The following PHC3 variants were observed in gnomAD, a reference collection of about 807,000 sequenced individuals.
The protein encoded by PHC3 is polyhomeotic-like protein 3.
Under a neutral mutation model 107.4 loss-of-function variants are expected in PHC3, and 13 were observed. The ratio of observed to expected loss-of-function variants is 0.12; its 90% CI spans 0.08 to 0.19. The LOEUF is 0.19. Among genes scored for constraint, PHC3 ranks in the 10% least tolerant of loss-of-function variants. The probability of loss-of-function intolerance (pLI) is 1.00; values close to 1 mark genes in which losing one functional copy is unlikely to be tolerated. For synonymous variants in PHC3, 456 were observed against 427.4 expected, an observed-to-expected ratio of 1.07 and a Z score of -0.83; for missense variants, 992 against 1,210.9, an observed-to-expected ratio of 0.82 and a Z score of 2.68.
chr3:170,169,969 A>C (rs1729339042), intron 4 of PHC3: 1 of 152,086 alleles, frequency 6.6e-6, no homozygotes, highest in African/African-American at 2.4e-5. Context: ...TAAGTTTTTC[A>C]TTTAATCTAA....
intron 5 of PHC3, chr3:170,147,620 A>G (rs1725203314): frequency 6.6e-6 from 1 of 152,250 alleles, no homozygotes; most frequent in African/African-American, 2.4e-5. Flanking sequence ...TATACTAAAT[A>G]TATGTAAAGA....
At position 170,096,863 on chromosome 3, in the gene PHC3, CA is replaced by C. The variant is rs1425391711; in HGVS notation, c.*366del. ...GAAAAAATGTATAAGAAAATTGAAT[CA>C]AAAGAGGAGAAATGTAAATCATTAA... is the stretch of plus-strand genomic sequence containing the variant. On this transcript the variant is annotated 3_prime_UTR_variant, in exon 15 of 15. Transcript: ENST00000495893. The C allele has an allele frequency of 6.4e-6, 1 of 157,364 alleles. No homozygotes were observed. The highest frequency in any genetic ancestry group is 6.5e-5 in the Admixed American group (1 of 15,396). 9.7% of individuals were successfully genotyped at this position (157,364 alleles called of 1,614,324 possible).
chr3:170,111,322 GAACGAACGAAA>G (rs1560033455), intron 11 of PHC3, among the ~76,000 whole-genome samples: 1 of 108,170 alleles, frequency 9.2e-6, no homozygotes, highest in African/African-American at 3.2e-5. Flanking sequence ...AGGAAGGAAC[GAACGAACGAAA>G]GAACAAAAGA....
At chr3:170,148,823 TA>T (rs1175545332) in intron 5 of PHC3, 7 of 272,572 alleles carry the variant, frequency 2.6e-5, no homozygotes, top group Non-Finnish European at 4.8e-5. Context: ...AATTTGATAT[TA>T]AAAAATAATC....
chr3:170,168,102 T>C (rs1369577874), intron 4 of PHC3, among the ~76,000 whole-genome samples: 1 of 151,166 alleles, frequency 6.6e-6, no homozygotes, highest in African/African-American at 2.4e-5. Context: ...ATTGAGGCGG[T>C]AGTGAGTTAT....
rs560671022 is a variant in PHC3, at chr3:170,119,711, C to T, written c.1943-2235G>A. Among the ~76,000 whole-genome samples, 33 of 152,046 alleles carry T rather than the reference C, an allele frequency of 2.2e-4. No individual in the cohort carries two copies. In the South Asian group the frequency reaches 5.8e-3, roughly 27 times the overall value. On this transcript the variant is annotated intron_variant, in intron 9 of 14. Transcript: ENST00000495893. ...AGCAAGAGATGTGAGATTTTTCTAC[C>T]TTTTTGTATAGATGCTTTTCACTTT...
intron 6 of PHC3, among the ~76,000 whole-genome samples, chr3:170,143,941 TC>T (rs1327277731): frequency 6.6e-6 from 1 of 151,960 alleles, no homozygotes; most frequent in Non-Finnish European, 1.5e-5. Flanking sequence ...AGAGTATGTA[TC>T]CCTTATACCA....
chr3:170,103,055 G>T, intron 12 of PHC3, 121 bp from the exon 13 acceptor site: 4 of 998,948 alleles, frequency 4.0e-6, no homozygotes, highest in East Asian at 5.2e-5. Flanking sequence ...ATTAATGAAT[G>T]TAAGACCTCA....
At chr3:170,173,775 C>T (rs1398377635) in intron 2 of PHC3, among the ~76,000 whole-genome samples, 1 of 152,094 alleles carries the variant, frequency 6.6e-6, no homozygotes, top group Non-Finnish European at 1.5e-5. Flanking sequence ...AAAGAATCCA[C>T]AGGAAAACTT....
At position 170,113,513 on chromosome 3, in the gene PHC3, G is replaced by A. The variant is rs777912781; in HGVS notation, c.2200C>T (p.Arg734Cys). ...QEGLEPFPVS[R>C]SSLLIEQPVK... is the part of the protein sequence containing the mutation. ...GGCTGTTCTATTAGCAAAGAGGAACGACTCACCTTTAAAAAAGGAGAAATA... is the reference window on the plus strand; with the variant it reads ...GGCTGTTCTATTAGCAAAGAGGAACAACTCACCTTTAAAAAAGGAGAAATA... The change falls in exon 11 of 15, where the codon CGT becomes TGT. Residue 734 changes from arginine (R) to cysteine (C), a missense_variant. Around this residue, in one of 6 missense-constraint regions of PHC3, gnomAD observed 228 missense variants for 288.8 expected, o/e 0.79. Transcript: ENST00000495893. 6.9e-6 allele frequency: 11 copies of A among 1,590,818 alleles called. 1 individual carries two copies. The highest frequency in any genetic ancestry group is 4.6e-5 in the South Asian group (4 of 86,288).
At chr3:170,163,180 G>A (rs1280677620) in intron 4 of PHC3, among the ~76,000 whole-genome samples, 1 of 152,062 alleles carries the variant, frequency 6.6e-6, no homozygotes. Flanking sequence ...CTGAATGAGT[G>A]AATGCATGAA....
chr3:170,136,512 G>A lies in PHC3; in HGVS notation c.826C>T (p.Pro276Ser), dbSNP rs1306196130. The stretch of plus-strand genomic sequence containing the variant: ...CTCTCTCCTTTCTTATTACTTTCTG[G>A]AGAAGGATCTCGTTGGCTGATTTTA... ...SSKISQRDPS[P>S]ESNKKGESPS... Residue 276 changes from proline to serine, a missense_variant, in exon 7 of 15, where the codon CCA becomes TCA. This residue lies in a region of PHC3 where 543 missense variants were observed against 590.8 expected (regional missense o/e 0.92). Transcript: ENST00000495893. The A allele has an allele frequency of 1.2e-6, 2 of 1,607,800 alleles. No individual in the cohort carries two copies. Among genetic ancestry groups the A allele is most frequent in the Non-Finnish European group, 1.7e-6 (2 of 1,177,448 alleles).
intron 11 of PHC3, 41 bp from the exon 12 acceptor site, chr3:170,106,987 T>G: frequency 6.9e-7 from 1 of 1,450,380 alleles, no homozygotes; most frequent in South Asian, 1.2e-5. Context: ...GTTCCAAAAA[T>G]TTAATTATGC....
intron 5 of PHC3, chr3:170,147,685 G>A (rs1725221481): frequency 6.6e-6 from 1 of 152,166 alleles, no homozygotes; most frequent in Middle Eastern, 3.2e-3. Flanking sequence ...ACTATGCCTT[G>A]AGCATCCTCA....
intron 12 of PHC3, among the ~76,000 whole-genome samples, chr3:170,104,190 A>C (rs1448033188): frequency 2.0e-5 from 3 of 152,210 alleles, no homozygotes; most frequent in African/African-American, 7.2e-5. Context: ...ATTTTCATGT[A>C]TCATGAAATA....
chr3:170,130,966 T>C (rs1722158366), intron 7 of PHC3, among the ~76,000 whole-genome samples: 1 of 152,076 alleles, frequency 6.6e-6, no homozygotes, highest in Admixed American at 6.6e-5. Context: ...ATACCTTACA[T>C]CTATTTTTGT....
chr3:170,111,539 A>G (rs192540762), intron 11 of PHC3, among the ~76,000 whole-genome samples: 211 of 152,314 alleles, frequency 1.4e-3, no homozygotes, highest in Non-Finnish European at 2.5e-3. Flanking sequence ...GTGGCAAAAT[A>G]ATGTTGAAAT....
At chr3:170,122,816 A>C in intron 8 of PHC3, 72 bp from the exon 9 acceptor site, 1 of 1,527,914 alleles carries the variant, frequency 6.5e-7, no homozygotes, top group African/African-American at 1.4e-5. Flanking sequence ...TAATTTCAGA[A>C]AATTAAATTC....
intron 4 of PHC3, among the ~76,000 whole-genome samples, chr3:170,152,337 ATTTTTTTT>A (rs1220193435): frequency 1.6e-5 from 2 of 122,164 alleles, no homozygotes; most frequent in African/African-American, 6.2e-5. Context: ...CGCCTGGCTA[ATTTTTTTT>A]TTTTTTTTTT....
Sources: gnomAD v4.1 joint callset for allele counts (sites outside exome capture counted in the v4.1 genomes callset) on GRCh38, gnomAD v4.1.1 for gene constraint, gnomAD v4.1.1 regional missense constraint, MANE v1.5 for transcripts, NCBI Gene and HGNC (gene_info 2026-07-23, HGNC 2026-07-21) for gene names.